The following OLA1 variants were observed in gnomAD, a reference collection of about 807,000 sequenced individuals.
The protein encoded by OLA1 is Obg like ATPase 1.
In OLA1, 14 loss-of-function variants were observed where a neutral mutation model predicts 48.4. The observed-to-expected ratio is 0.29, with a 90% CI of 0.19 to 0.45. The LOEUF (loss-of-function observed/expected upper bound fraction) is 0.45, where lower values mean the gene tolerates loss of function less well. Ranked by LOEUF, OLA1 falls within the 20% of genes least tolerant of loss-of-function variation. The pLI is 1.00. For synonymous variants in OLA1, 127 were observed against 150.4 expected (o/e 0.84, Z 1.14); for missense variants, 325 against 467.1 (o/e 0.70, Z 2.80).
At chr2:174,110,745 C>T (rs564580808) in intron 7 of OLA1, among the ~76,000 whole-genome samples, 2 of 152,208 alleles carry the variant, frequency 1.3e-5, no homozygotes, top group South Asian at 2.1e-4. Flanking sequence ...CTGTGTCTGG[C>T]TAATGTTTTT....
At chr2:174,168,156 A>G (rs1310964048) in intron 4 of OLA1, among the ~76,000 whole-genome samples, 1 of 152,212 alleles carries the variant, frequency 6.6e-6, no homozygotes, top group Non-Finnish European at 1.5e-5. Context: ...TTTCTGTCCT[A>G]GAGAAGCAGA....
At position 174,079,046 on chromosome 2, in the gene OLA1, A is replaced by C; in HGVS notation, c.1011T>G (p.Asp337Glu). The C allele has an allele frequency of 9.3e-6, 15 of 1,604,784 alleles. No individual in the cohort carries two copies. The highest frequency in any genetic ancestry group is 1.3e-5 in the Non-Finnish European group (15 of 1,175,670). ...CAGCCATAATGAATCCCTTTTCAAA[A>C]TCTGTGTGAATCTTTCCTGCAGCCT... ...APQAAGKIHTDFEKGFIMAEV... is the reference protein window; with the variant it reads ...APQAAGKIHTEFEKGFIMAEV... The change falls in exon 10 of 11, where the codon GAT (aspartate) becomes GAG (glutamate). Residue 337 changes from aspartate to glutamate, a missense_variant. Asp to Glu is a conservative substitution (Grantham distance 45). Coordinates refer to ENST00000284719, the MANE Select transcript of OLA1 (RefSeq NM_013341.5).
At chr2:174,189,731 T>C (rs1428221248) in intron 4 of OLA1, among the ~76,000 whole-genome samples, 2 of 152,138 alleles carry the variant, frequency 1.3e-5, no homozygotes, top group Non-Finnish European at 2.9e-5. Flanking sequence ...TCTACCATAA[T>C]TACTGATGCA....
chr2:174,195,648 T>A (rs1329682265), intron 4 of OLA1, among the ~76,000 whole-genome samples: 1 of 152,234 alleles, frequency 6.6e-6, no homozygotes, highest in African/African-American at 2.4e-5. Flanking sequence ...TTTCCTGCTT[T>A]TAATCACTGA....
chr2:174,083,579 G>T (rs899353475), intron 7 of OLA1, among the ~76,000 whole-genome samples: 1 of 151,806 alleles, frequency 6.6e-6, no homozygotes, highest in Non-Finnish European at 1.5e-5. Context: ...AAATTAAGAA[G>T]GACAGGTTAA....
intron 2 of OLA1, among the ~76,000 whole-genome samples, chr2:174,239,164 A>C (rs1182187927): frequency 1.3e-5 from 2 of 152,214 alleles, no homozygotes; most frequent in African/African-American, 4.8e-5. Flanking sequence ...GGCAAACACC[A>C]CAATAATAAC....
rs1479856032 is a variant in OLA1 at position 174,174,513 on chromosome 2, G to A, written c.374-32513C>T. 4.6e-5 allele frequency among the ~76,000 whole-genome samples: 7 copies of A among 152,086 alleles called. No homozygotes were observed. In the East Asian group the frequency reaches 1.4e-3, roughly 29 times the overall value. ...ACTCTCAGCAAACTAGGAATAACGA[G>A]TAACTACTTCAACCTGATTAAGGGC... On this transcript the variant is annotated intron_variant, in intron 4 of 10. Transcript: ENST00000284719.
rs1402048914 is a variant in OLA1, at chr2:174,075,678, T to C, written c.1090-151A>G. On this transcript the variant is annotated intron_variant, in intron 10 of 10. Coordinates refer to ENST00000284719, the MANE Select transcript of OLA1 (RefSeq NM_013341.5). Reference sequence around the variant, plus strand: ...ATAGGAAGGCATACAAGTTCAAAACTAGACTTGGAGAGAAGCAAAGTATTC... The same window carrying C: ...ATAGGAAGGCATACAAGTTCAAAACCAGACTTGGAGAGAAGCAAAGTATTC... 4.3e-5 allele frequency: 25 copies of C among 583,298 alleles called. No homozygotes were observed. In the East Asian group the frequency reaches 4.8e-4, roughly 11 times the overall value. The allele number at this position is 583,298 out of a possible 1,614,324, so 36.1% of individuals were successfully genotyped here. A position where few individuals can be genotyped will look rare whatever the true frequency, so the allele number is the denominator to read the frequency against.
intron 4 of OLA1, among the ~76,000 whole-genome samples, chr2:174,177,835 A>G (rs13403510): frequency 0.12 from 18,413 of 152,058 alleles, 1,763 homozygotes; most frequent in African/African-American, 0.26. Context: ...CAGCTTAATA[A>G]AATCAAATAC....
At chr2:174,135,175 A>G (rs951716140) in intron 5 of OLA1, among the ~76,000 whole-genome samples, 3 of 151,770 alleles carry the variant, frequency 2.0e-5, no homozygotes, top group Admixed American at 6.6e-5. Flanking sequence ...AAAAAAAAAA[A>G]AAAAGAAATG....
intron 7 of OLA1, among the ~76,000 whole-genome samples, chr2:174,118,603 G>A (rs1322182791): frequency 1.3e-5 from 2 of 152,126 alleles, no homozygotes; most frequent in Non-Finnish European, 2.9e-5. Context: ...TTTAATCTGT[G>A]GAAGCTAGAA....
chr2:174,239,375 T>C (rs779055138), intron 2 of OLA1, among the ~76,000 whole-genome samples: 1 of 152,180 alleles, frequency 6.6e-6, no homozygotes, highest in Non-Finnish European at 1.5e-5. Flanking sequence ...ATCAACATCA[T>C]GTGCTTTCTA....
intron 4 of OLA1, among the ~76,000 whole-genome samples, chr2:174,186,669 A>AT (rs139839935): frequency 0.13 from 20,387 of 151,210 alleles, 1,800 homozygotes; most frequent in Non-Finnish European, 0.2. Flanking sequence ...ATTACTCGCT[A>AT]TTTTTTTTTG....
intron 4 of OLA1, among the ~76,000 whole-genome samples, chr2:174,148,311 C>T (rs1686660877): frequency 6.6e-6 from 1 of 152,104 alleles, no homozygotes; most frequent in Non-Finnish European, 1.5e-5. Context: ...ACTGCTTGAA[C>T]CTGGGAGGTG....
intron 4 of OLA1, among the ~76,000 whole-genome samples, chr2:174,212,890 G>A (rs899808274): frequency 3.9e-5 from 6 of 152,104 alleles, no homozygotes; most frequent in Non-Finnish European, 8.8e-5. Flanking sequence ...GGATAGCTCC[G>A]GAAGGACCTG....
chr2:174,212,506 T>C (rs180727563), intron 4 of OLA1, among the ~76,000 whole-genome samples: 2 of 152,318 alleles, frequency 1.3e-5, no homozygotes, highest in African/African-American at 2.4e-5. Context: ...TCTAAATTTA[T>C]GTTAATTTTT....
intron 4 of OLA1, among the ~76,000 whole-genome samples, chr2:174,161,336 T>C (rs1234924728): frequency 6.6e-6 from 1 of 152,210 alleles, no homozygotes; most frequent in African/African-American, 2.4e-5. Context: ...ACACATGCTG[T>C]ATATAAATAT....
intron 4 of OLA1, among the ~76,000 whole-genome samples, chr2:174,163,164 G>T (rs1687053569): frequency 6.6e-6 from 1 of 152,166 alleles, no homozygotes; most frequent in South Asian, 2.1e-4. Context: ...GGATTACTAG[G>T]GAGAAGCCTG....
intron 5 of OLA1, among the ~76,000 whole-genome samples, chr2:174,141,433 T>C (rs1276985703): frequency 6.6e-6 from 1 of 152,220 alleles, no homozygotes; most frequent in African/African-American, 2.4e-5. Context: ...TAAGAGTGTA[T>C]TCATTTAGTC....
Sources: allele counts gnomAD v4.1 joint callset (sites outside exome capture counted in the v4.1 genomes callset), GRCh38; gene constraint gnomAD v4.1.1; transcripts MANE v1.5; gene names NCBI Gene and HGNC (gene_info 2026-07-23, HGNC 2026-07-21).